The following JMJD1C variants were observed in gnomAD, a reference collection of about 807,000 sequenced individuals.
The protein encoded by JMJD1C is jumonji domain containing 1C.
In JMJD1C, 31 loss-of-function variants were observed where a neutral mutation model predicts 245.3. That is an observed-to-expected ratio of 0.13 (90% CI 0.09 to 0.17). The LOEUF (loss-of-function observed/expected upper bound fraction) is 0.17. Ranked by LOEUF, JMJD1C falls within the 10% of genes least tolerant of loss-of-function variation. The pLI, the probability that JMJD1C is intolerant of heterozygous loss-of-function variation, is 1.00. For synonymous variants in JMJD1C, 1,057 were observed against 1,017.4 expected (o/e 1.04, Z -0.74); for missense variants, 2,691 against 3,000.2 (o/e 0.90, Z 2.41).
chr10:63,458,477 C>T (rs999265107), intron 1 of JMJD1C, among the ~76,000 whole-genome samples: 1 of 151,174 alleles, frequency 6.6e-6, no homozygotes, highest in African/African-American at 2.4e-5. Context: ...GAGCGAGACC[C>T]TGTCTTTAAA....
chr10:63,454,439 T>G (rs1025913905), intron 1 of JMJD1C, among the ~76,000 whole-genome samples: 3 of 151,426 alleles, frequency 2.0e-5, no homozygotes, highest in Non-Finnish European at 4.4e-5. Context: ...TTTGTTGTTT[T>G]TTGAAATGGA....
chr10:63,234,747 A>ATT (rs1850512389), intron 3 of JMJD1C, among the ~76,000 whole-genome samples: 1 of 151,920 alleles, frequency 6.6e-6, no homozygotes, highest in Admixed American at 6.5e-5. Flanking sequence ...AACCTAGGAA[A>ATT]CATAGTGAGA....
At chr10:63,457,626 G>A (rs1952497100) in intron 1 of JMJD1C, among the ~76,000 whole-genome samples, 1 of 152,114 alleles carries the variant, frequency 6.6e-6, no homozygotes, top group African/African-American at 2.4e-5. Flanking sequence ...AAGTCCAAGA[G>A]GACTTAAACC....
intron 1 of JMJD1C, among the ~76,000 whole-genome samples, chr10:63,501,398 G>T (rs1564973805): frequency 1.4e-5 from 2 of 139,532 alleles, no homozygotes; most frequent in Non-Finnish European, 3.2e-5. Flanking sequence ...ATTGCTAATT[G>T]TGTCACATTT....
intron 1 of JMJD1C, among the ~76,000 whole-genome samples, chr10:63,483,998 G>A (rs957650413): frequency 6.6e-6 from 1 of 152,116 alleles, no homozygotes; most frequent in Admixed American, 6.6e-5. Flanking sequence ...ACAATAATCT[G>A]AATACATATT....
intron 2 of JMJD1C, among the ~76,000 whole-genome samples, chr10:63,328,673 T>C (rs1941802406): frequency 6.6e-6 from 1 of 152,202 alleles, no homozygotes; most frequent in Non-Finnish European, 1.5e-5. Flanking sequence ...GACTGTGTAT[T>C]TTGAGGGTGT....
chr10:63,484,304 A>T (rs1488987636), intron 1 of JMJD1C, among the ~76,000 whole-genome samples: 1 of 152,130 alleles, frequency 6.6e-6, no homozygotes, highest in Admixed American at 6.6e-5. Flanking sequence ...AGATAAAAAT[A>T]AAAAAATTCA....
At chr10:63,408,931 C>A (rs889912305) in intron 1 of JMJD1C, among the ~76,000 whole-genome samples, 1 of 152,060 alleles carries the variant, frequency 6.6e-6, no homozygotes, top group Admixed American at 6.5e-5. Flanking sequence ...AATATACAAA[C>A]CTGAATGTAC....
At chr10:63,198,823 T>A in intron 11 of JMJD1C, 96 bp from the exon 12 acceptor site, 1 of 618,084 alleles carries the variant, frequency 1.6e-6, no homozygotes, top group South Asian at 2.9e-5. Flanking sequence ...TTACATTGCA[T>A]TATAAAATAT....
chr10:63,221,100 T>C (rs1267492643), intron 3 of JMJD1C, among the ~76,000 whole-genome samples: 4 of 106,810 alleles, frequency 3.7e-5, no homozygotes, highest in African/African-American at 6.0e-5. Context: ...ACAGTGAGAC[T>C]CCGTCTTAAA....
chr10:63,465,213 C>T, intron 1 of JMJD1C: 1 of 389,082 alleles, frequency 2.6e-6, no homozygotes, highest in East Asian at 4.0e-5. Flanking sequence ...GCCCAGGCGC[C>T]ACAGCGGGGA....
chr10:63,206,251 T>A lies in JMJD1C; in HGVS notation c.5074+344A>T, dbSNP rs1192389982. ...TGATATTACAAATCCACTTTTGGTG[T>A]GACAGCCATAACTGCATTTTGACAA... On this transcript the variant is annotated intron_variant, in intron 10 of 25. Transcript: ENST00000399262. Among the ~76,000 whole-genome samples the A allele has an allele frequency of 2.0e-5, 3 of 152,174 alleles. No individual in the cohort carries two copies. The East Asian group carries it at 5.8e-4, about 29-fold the overall frequency.
At chr10:63,183,127 C>T (rs1438975799) in intron 22 of JMJD1C, among the ~76,000 whole-genome samples, 1 of 152,200 alleles carries the variant, frequency 6.6e-6, no homozygotes, top group East Asian at 1.9e-4. Flanking sequence ...TCCCAAAGTA[C>T]TGAGATTACA....
intron 2 of JMJD1C, chr10:63,269,053 C>T (rs1855974654): frequency 2.0e-6 from 2 of 985,262 alleles, no homozygotes; most frequent in South Asian, 4.7e-5. Flanking sequence ...CTGCATCCTC[C>T]GATCTGGGTC....
At chr10:63,341,788 T>A (rs911308082) in intron 2 of JMJD1C, among the ~76,000 whole-genome samples, 1 of 152,206 alleles carries the variant, frequency 6.6e-6, no homozygotes, top group Non-Finnish European at 1.5e-5. Flanking sequence ...TATCTTTAGA[T>A]CAATAACGAG....
At chr10:63,365,647 C>T (rs1189704836) in intron 2 of JMJD1C, among the ~76,000 whole-genome samples, 2 of 152,136 alleles carry the variant, frequency 1.3e-5, no homozygotes, top group Non-Finnish European at 2.9e-5. Context: ...ATTTGGGTTC[C>T]ATTTTCACTC....
At chr10:63,515,732 C>A (rs541082288) in intron 1 of JMJD1C, among the ~76,000 whole-genome samples, 56 of 152,252 alleles carry the variant, frequency 3.7e-4, no homozygotes, top group African/African-American at 1.2e-3. Flanking sequence ...GTTGTCAGGA[C>A]CAAGTGGCAA....
intron 3 of JMJD1C, among the ~76,000 whole-genome samples, chr10:63,230,239 G>T (rs1186459943): frequency 6.6e-6 from 1 of 152,080 alleles, no homozygotes; most frequent in African/African-American, 2.4e-5. Context: ...GAGCATGGTG[G>T]CGCTTGCCTG....
chr10:63,285,818 A>G (rs1185159544), intron 2 of JMJD1C, among the ~76,000 whole-genome samples: 2 of 152,208 alleles, frequency 1.3e-5, no homozygotes, highest in African/African-American at 2.4e-5. Flanking sequence ...AGAAACAAAC[A>G]AACGAACAAA....
Sources: allele counts gnomAD v4.1 joint callset (sites outside exome capture counted in the v4.1 genomes callset), GRCh38; gene constraint gnomAD v4.1.1; transcripts MANE v1.5; gene names NCBI Gene and HGNC (gene_info 2026-07-23, HGNC 2026-07-21).